SYT14: variants seen among roughly 807,000 people sequenced by gnomAD.
SYT14 encodes the protein synaptotagmin-14.
Under a neutral mutation model 74.2 loss-of-function variants are expected in SYT14, and 32 were observed. The observed-to-expected ratio is 0.43, with a 90% CI of 0.33 to 0.58. The LOEUF (loss-of-function observed/expected upper bound fraction) is 0.58. Ranked by LOEUF, SYT14 falls within the 20% of genes least tolerant of loss-of-function variation. SYT14 has a pLI of 0.05. For synonymous variants in SYT14, 298 were observed against 337.7 expected (o/e 0.88, Z 1.29); for missense variants, 791 against 981.8 (o/e 0.81, Z 2.60).
intron 7 of SYT14, among the ~76,000 whole-genome samples, chr1:210,152,491 T>G (rs2083184608): frequency 6.6e-6 from 1 of 152,206 alleles, no homozygotes; most frequent in Admixed American, 6.5e-5. Context: ...TATATTTATT[T>G]TTATCGTTGT....
chr1:209,977,253 T>C (rs1398866163), intron 2 of SYT14, among the ~76,000 whole-genome samples: 1 of 152,210 alleles, frequency 6.6e-6, no homozygotes, highest in Non-Finnish European at 1.5e-5. Context: ...GTCATTATGA[T>C]GTTAGCTGGT....
Position 210,155,739 on chromosome 1 carries a change from A to G in SYT14, c.2053A>G (p.Ser685Gly), listed in dbSNP as rs764842888. 18 of 1,613,976 alleles carry G rather than the reference A, an allele frequency of 1.1e-5. No homozygotes were observed. In the South Asian group the frequency reaches 1.6e-4, roughly 15 times the overall value. Residue 685 changes from serine (S) to glycine (G), a missense_variant, in exon 8 of 10, where the codon AGC becomes GGC. Coordinates refer to ENST00000637265, the Ensembl canonical transcript of SYT14. ...ATTACAGGGCTGTGACTCCCAAATG[A>G]GCGTGTCAGAAATGTCGTGTAGTGA...
At chr1:210,077,369 C>T (rs1413386909) in intron 5 of SYT14, among the ~76,000 whole-genome samples, 2 of 152,190 alleles carry the variant, frequency 1.3e-5, no homozygotes, top group Admixed American at 6.5e-5. Flanking sequence ...CAGGCCCCAC[C>T]TCCAACATTG....
At chr1:209,941,774 T>C (rs2078734350) in intron 1 of SYT14, among the ~76,000 whole-genome samples, 1 of 152,204 alleles carries the variant, frequency 6.6e-6, no homozygotes. Context: ...TTTTGTATAG[T>C]ACCTGAATAC....
intron 7 of SYT14, 111 bp downstream of exon 6, chr1:210,100,572 A>G (rs994788592): frequency 7.6e-6 from 8 of 1,057,542 alleles, no homozygotes; most frequent in African/African-American, 1.6e-5. Flanking sequence ...ATTTTTTTAC[A>G]TAGTAATCAT....
intron 7 of SYT14, among the ~76,000 whole-genome samples, chr1:210,101,171 T>C (rs2082058956): frequency 6.6e-6 from 1 of 152,160 alleles, no homozygotes; most frequent in Admixed American, 6.5e-5. Flanking sequence ...CTGCACTGTT[T>C]ATTTAAACCA....
exon 10 of SYT14, chr1:210,160,802 A>C: frequency 6.2e-7 from 1 of 1,614,022 alleles, no homozygotes; most frequent in Non-Finnish European, 8.5e-7. Context: ...CCATCCGCAG[A>C]GGGCAGCCAA....
intron 7 of SYT14, among the ~76,000 whole-genome samples, chr1:210,109,895 A>G (rs1437082390): frequency 1.3e-5 from 2 of 152,224 alleles, no homozygotes; most frequent in Non-Finnish European, 2.9e-5. Flanking sequence ...AGACTGGATA[A>G]AGAAAATGTG....
At chr1:210,077,549 A>G (rs555323114) in intron 5 of SYT14, among the ~76,000 whole-genome samples, 1 of 152,224 alleles carries the variant, frequency 6.6e-6, no homozygotes, top group Non-Finnish European at 1.5e-5. Context: ...GCTGATGTGA[A>G]TATATGTACA....
intron 2 of SYT14, among the ~76,000 whole-genome samples, chr1:209,967,363 A>T (rs1375505599): frequency 2.0e-5 from 3 of 152,024 alleles, no homozygotes; most frequent in Non-Finnish European, 2.9e-5. Flanking sequence ...ATTTTGTGAG[A>T]GAGTTTATAT....
chr1:209,977,298 G>T (rs548166927), intron 2 of SYT14, among the ~76,000 whole-genome samples: 1 of 152,156 alleles, frequency 6.6e-6, no homozygotes, highest in African/African-American at 2.4e-5. Context: ...TTTCTTCCTA[G>T]CTTTGATGTC....
At chr1:209,946,687 A>G (rs1047167054) in intron 1 of SYT14, among the ~76,000 whole-genome samples, 2 of 152,278 alleles carry the variant, frequency 1.3e-5, no homozygotes, top group African/African-American at 4.8e-5. Context: ...AAGCTGTAGC[A>G]GGTTATCCAT....
chr1:210,000,466 G>GCACACA (rs375046637), intron 2 of SYT14, among the ~76,000 whole-genome samples: 3,854 of 143,122 alleles, frequency 0.027, 245 homozygotes, highest in Admixed American at 0.15. Context: ...GTCCTCATAC[G>GCACACA]CACACACACA....
intron 2 of SYT14, among the ~76,000 whole-genome samples, chr1:210,008,732 G>T (rs1424711696): frequency 6.6e-6 from 1 of 152,034 alleles, no homozygotes; most frequent in African/African-American, 2.4e-5. Context: ...TCCTGCAGTG[G>T]GTGGCCTAGA....
rs1245501705 is a variant in SYT14, at chr1:210,121,611, G to A, written c.2034+21150G>A. Among the ~76,000 whole-genome samples the A allele has an allele frequency of 9.2e-5, 14 of 152,110 alleles. No individual in the cohort carries two copies. In the East Asian group the frequency reaches 2.5e-3, roughly 27 times the overall value. ...AGATTGAGACCATCCTGGCTAACATGGTGAAACTCTGTCTCTACTAAAAAT... is the reference window on the plus strand; with the variant it reads ...AGATTGAGACCATCCTGGCTAACATAGTGAAACTCTGTCTCTACTAAAAAT... On this transcript the variant is annotated intron_variant, in intron 7 of 9. Coordinates refer to ENST00000637265, the Ensembl canonical transcript of SYT14.
At chr1:210,053,665 A>G (rs2102388093) in intron 5 of SYT14, among the ~76,000 whole-genome samples, 1 of 152,258 alleles carries the variant, frequency 6.6e-6, no homozygotes, top group African/African-American at 2.4e-5. Flanking sequence ...TCATTAGGTA[A>G]TTTTGTGGAT....
chr1:209,991,444 A>G (rs992692074), intron 2 of SYT14, among the ~76,000 whole-genome samples: 4 of 152,182 alleles, frequency 2.6e-5, no homozygotes, highest in African/African-American at 9.7e-5. Context: ...AAATCCCTCA[A>G]ATAACCCCAT....
At chr1:210,109,422 C>CA (rs2102573778) in intron 7 of SYT14, among the ~76,000 whole-genome samples, 1 of 151,846 alleles carries the variant, frequency 6.6e-6, no homozygotes, top group African/African-American at 2.4e-5. Context: ...TAATAAAACA[C>CA]AAAAAATTAG....
intron 5 of SYT14, among the ~76,000 whole-genome samples, chr1:210,081,806 A>G (rs1352221018): frequency 6.6e-6 from 1 of 152,236 alleles, no homozygotes; most frequent in East Asian, 1.9e-4. Flanking sequence ...AAACAATATC[A>G]TAGTAATCCT....
Sources: allele counts gnomAD v4.1 joint callset (sites outside exome capture counted in the v4.1 genomes callset), GRCh38; gene constraint gnomAD v4.1.1; transcripts MANE v1.5; gene names NCBI Gene and HGNC (gene_info 2026-07-23, HGNC 2026-07-21).